The following PRKN variants were observed in gnomAD, a reference collection of about 807,000 sequenced individuals.
The protein encoded by PRKN is parkin RBR E3 ubiquitin protein ligase.
A neutral mutation model predicts 59.5 loss-of-function variants in PRKN; 56 were observed. The ratio of observed to expected loss-of-function variants is 0.94; its 90% CI spans 0.76 to 1.18. The LOEUF is 1.18. Among genes scored for constraint, PRKN ranks in the 50% most tolerant of loss-of-function variants. PRKN has a pLI of 0.00. For synonymous variants in PRKN, 250 were observed against 222.1 expected (o/e 1.13, Z -1.12); for missense variants, 657 against 596.4 (o/e 1.10, Z -1.06).
At chr6:162,673,430 G>T (rs1281453984) in intron 1 of PRKN, among the ~76,000 whole-genome samples, 3 of 152,124 alleles carry the variant, frequency 2.0e-5, no homozygotes, top group Non-Finnish European at 2.9e-5. Context: ...TTAAAACAGG[G>T]TCTGGCTTGC....
In PRKN at chr6:161,361,641, G is replaced by A. The variant is rs1372443935; in HGVS notation, c.1168-1436C>T. 2.6e-5 allele frequency among the ~76,000 whole-genome samples: 4 copies of A among 152,206 alleles called. No individual in the cohort carries two copies. The highest frequency in any genetic ancestry group is 6.5e-5 in the Admixed American group (1 of 15,280). ...GGGCACCACAGACAAGCTTTGCCTA[G>A]GGCTGGTCACTGGGTGAAGCCAATT... is the stretch of plus-strand genomic sequence containing the variant. On this transcript the variant is annotated intron_variant, in intron 10 of 11. Coordinates refer to ENST00000366898, the MANE Select transcript of PRKN (RefSeq NM_004562.3). This position sits in a 1 kb window ranked among gnomAD's most constrained non-coding sequence, Gnocchi z 5.2.
At chr6:162,018,315 C>T (rs564940895) in intron 5 of PRKN, among the ~76,000 whole-genome samples, 18 of 152,272 alleles carry the variant, frequency 1.2e-4, no homozygotes, top group Non-Finnish European at 2.4e-4. Flanking sequence ...CGTGAGCCAC[C>T]GCGCCCGGCC....
chr6:161,500,227 C>G (rs1299166040), intron 9 of PRKN, among the ~76,000 whole-genome samples: 1 of 152,100 alleles, frequency 6.6e-6, no homozygotes, highest in African/African-American at 2.4e-5. Flanking sequence ...CCCCTCTCCC[C>G]TATACATGCA....
At chr6:162,258,003 T>C (rs1779721238) in intron 3 of PRKN, among the ~76,000 whole-genome samples, 1 of 152,140 alleles carries the variant, frequency 6.6e-6, no homozygotes, top group Non-Finnish European at 1.5e-5. Flanking sequence ...CTCCACCCCA[T>C]ACTGGCTGCT....
chr6:161,690,165 CTG>C (rs1205392923), intron 7 of PRKN, among the ~76,000 whole-genome samples: 1 of 152,208 alleles, frequency 6.6e-6, no homozygotes, highest in Non-Finnish European at 1.5e-5. Flanking sequence ...AGACACCACT[CTG>C]TGCCTTGGTG....
At position 161,646,537 on chromosome 6, in the gene PRKN, G is replaced by A. The variant is rs542813837; in HGVS notation, c.872-77121C>T. ...GAGTGACAGTGGTGACTGCGTGTGC[G>A]TGCGTGGCGGAGGAGGTGGCGTGTC... On this transcript the variant is annotated intron_variant, in intron 7 of 11. Transcript: ENST00000366898. 1.2e-4 allele frequency among the ~76,000 whole-genome samples: 17 copies of A among 141,892 alleles called. No homozygotes were observed. The South Asian group carries it at 2.8e-3, about 23-fold the overall frequency. The allele number at this position is 141,892 out of a possible 152,430, so 93.1% of individuals were successfully genotyped here. A position where few individuals can be genotyped will look rare whatever the true frequency, so the allele number is the denominator to read the frequency against.
chr6:162,395,024 TTTGCAGG>T (rs1787403343), intron 2 of PRKN, among the ~76,000 whole-genome samples: 1 of 152,186 alleles, frequency 6.6e-6, no homozygotes, highest in Non-Finnish European at 1.5e-5. Context: ...AGTGTCCAAA[TTTGCAGG>T]TAGTGAACCC....
chr6:162,616,660 A>G (rs1214814067), intron 1 of PRKN, among the ~76,000 whole-genome samples: 1 of 152,182 alleles, frequency 6.6e-6, no homozygotes, highest in African/African-American at 2.4e-5. Flanking sequence ...GCTATCTTCT[A>G]TCAATCAATT....
chr6:161,854,331 T>TA (rs949152907), intron 6 of PRKN, among the ~76,000 whole-genome samples: 2 of 151,570 alleles, frequency 1.3e-5, no homozygotes, highest in African/African-American at 2.4e-5. Flanking sequence ...ATATTAAAAA[T>TA]AAAAAATAAC....
intron 7 of PRKN, among the ~76,000 whole-genome samples, chr6:161,574,072 A>C (rs1288472641): frequency 1.3e-5 from 2 of 151,966 alleles, no homozygotes; most frequent in African/African-American, 4.8e-5. Context: ...AACAACAAAC[A>C]AGACTAGACA....
At chr6:162,683,347 C>T (rs1225892408) in intron 1 of PRKN, among the ~76,000 whole-genome samples, 2 of 152,106 alleles carry the variant, frequency 1.3e-5, no homozygotes, top group Non-Finnish European at 2.9e-5. Flanking sequence ...ACATTTTCAT[C>T]GTCAGAAAAT....
intron 1 of PRKN, among the ~76,000 whole-genome samples, chr6:162,565,012 A>G (rs1047431637): frequency 1.3e-5 from 2 of 152,216 alleles, no homozygotes; most frequent in African/African-American, 4.8e-5. Flanking sequence ...CTAAGTAAAA[A>G]GACTAAACAA....
intron 1 of PRKN, among the ~76,000 whole-genome samples, chr6:162,633,472 C>T (rs931007545): frequency 7.2e-6 from 1 of 139,088 alleles, no homozygotes; most frequent in African/African-American, 2.7e-5. Context: ...TCCATTTAGT[C>T]ACTGGGAAGG....
At chr6:161,596,972 G>A (rs1387684712) in intron 7 of PRKN, among the ~76,000 whole-genome samples, 1 of 152,200 alleles carries the variant, frequency 6.6e-6, no homozygotes, top group Non-Finnish European at 1.5e-5. Flanking sequence ...TGTATTAGGA[G>A]TGTTCATAGG....
chr6:161,789,301 A>C (rs558092987), intron 6 of PRKN, among the ~76,000 whole-genome samples: 1 of 152,206 alleles, frequency 6.6e-6, no homozygotes, highest in Non-Finnish European at 1.5e-5. Context: ...ACTTCGGGTT[A>C]GGTGGCTTGC....
intron 2 of PRKN, among the ~76,000 whole-genome samples, chr6:162,403,535 T>TA (rs1393342826): frequency 5.3e-5 from 8 of 152,250 alleles, no homozygotes; most frequent in Admixed American, 3.9e-4. Context: ...CTTTTCTCTT[T>TA]AAAAGGAGGC....
At chr6:162,247,852 T>C (rs1051934364) in intron 3 of PRKN, among the ~76,000 whole-genome samples, 2 of 152,180 alleles carry the variant, frequency 1.3e-5, no homozygotes, top group African/African-American at 4.8e-5. Context: ...ACAATTATTT[T>C]TGAACACTTG....
Position 161,410,232 on chromosome 6 carries a change from C to T in PRKN, c.1084-23355G>A, listed in dbSNP as rs747995577. 1.2e-4 allele frequency among the ~76,000 whole-genome samples: 18 copies of T among 152,086 alleles called. No individual in the cohort carries two copies. Among genetic ancestry groups the T allele is most frequent in the Non-Finnish European group, 1.5e-4 (10 of 68,032 alleles). On this transcript the variant is annotated intron_variant, in intron 9 of 11. Transcript: ENST00000366898. This position sits in a 1 kb window ranked among gnomAD's most constrained non-coding sequence, Gnocchi z 5.3. ...AGGAGAGTGAACATGAGTGAGAGTA[C>T]GAGCATGTCTCAGCTGGTAGCCCTT...
intron 3 of PRKN, among the ~76,000 whole-genome samples, chr6:162,221,796 G>A (rs1777946598): frequency 6.6e-6 from 1 of 152,010 alleles, no homozygotes; most frequent in African/African-American, 2.4e-5. Flanking sequence ...CAAATTAATT[G>A]GAAAAAATGT....
Sources: gnomAD v4.1 joint callset for allele counts (sites outside exome capture counted in the v4.1 genomes callset) on GRCh38, gnomAD v4.1.1 for gene constraint, Gnocchi (gnomAD v3.1) non-coding constraint, MANE v1.5 for transcripts, NCBI Gene and HGNC (gene_info 2026-07-23, HGNC 2026-07-21) for gene names.